CFTR: variants seen among roughly 807,000 people sequenced by gnomAD.
CFTR encodes the protein CF transmembrane conductance regulator.
A neutral mutation model predicts 171.6 loss-of-function variants in CFTR; 181 were observed. The observed-to-expected ratio is 1.05, with a 90% CI of 0.93 to 1.19. The LOEUF is 1.19. Among genes scored for constraint, CFTR ranks in the 50% most tolerant of loss-of-function variants. CFTR has a pLI of 0.00. For missense variants in CFTR, 1,968 were observed against 1,734.7 expected, an observed-to-expected ratio of 1.13 and a Z score of -2.39; for synonymous variants, 583 against 608.0, an observed-to-expected ratio of 0.96 and a Z score of 0.60.
intron 21 of CFTR, among the ~76,000 whole-genome samples, chr7:117,618,559 C>T (rs1792528765): frequency 6.6e-6 from 1 of 152,060 alleles, no homozygotes. Context: ...CTAGTTTAGA[C>T]CTCTATCCTG....
At chr7:117,664,557 G>A (rs1256145404) in intron 24 of CFTR, 131 bp from the exon 25 acceptor site, 1 of 792,502 alleles carries the variant, frequency 1.3e-6, no homozygotes, top group Non-Finnish European at 2.2e-6. Context: ...TTCAAATGGT[G>A]GCAGGTAGTG....
chr7:117,559,112 A>C (rs983511546), intron 10 of CFTR, among the ~76,000 whole-genome samples: 2 of 152,228 alleles, frequency 1.3e-5, no homozygotes, highest in African/African-American at 4.8e-5. Flanking sequence ...GTTAAAGCAC[A>C]TAGAACAGCA....
intron 10 of CFTR, among the ~76,000 whole-genome samples, chr7:117,555,977 T>G (rs1388005137): frequency 1.3e-5 from 2 of 152,154 alleles, no homozygotes; most frequent in African/African-American, 4.8e-5. Flanking sequence ...TGATAAAGGG[T>G]CAATGGTATA....
intron 13 of CFTR, 62 bp downstream of exon 13, chr7:117,590,501 C>A: frequency 6.5e-7 from 1 of 1,548,614 alleles, no homozygotes; most frequent in Admixed American, 1.8e-5. Context: ...GACAGACTGT[C>A]CCATCATAGA....
chr7:117,609,572 T>G (rs1792351254), intron 18 of CFTR, among the ~76,000 whole-genome samples: 1 of 152,112 alleles, frequency 6.6e-6, no homozygotes, highest in South Asian at 2.1e-4. Context: ...ATATAGAAAT[T>G]TATTAAGTAT....
rs193922731 is a variant in CFTR, at chr7:117,610,531, G to C, written c.3001G>C (p.Val1001Leu). The C allele has an allele frequency of 6.2e-7, 1 of 1,612,038 alleles. No homozygotes were observed. The highest frequency in any genetic ancestry group is 1.1e-5 in the South Asian group (1 of 91,018). The change falls in exon 19 of 27, where the codon GTG becomes CTG. Residue 1001 changes from valine (V) to leucine (L), a missense_variant. Transcript: ENST00000003084. ...TTTGATCTTACAGTTGTTATTAATT[G>C]TGATTGGAGCTATAGCAGTTGTCGC... is the stretch of plus-strand genomic sequence containing the variant. Reference protein sequence around the residue: ...IFDFIQLLLIVIGAIAVVAVL... With the variant: ...IFDFIQLLLILIGAIAVVAVL...
intron 1 of CFTR, among the ~76,000 whole-genome samples, chr7:117,494,679 G>A (rs564206756): frequency 2.8e-4 from 43 of 152,078 alleles, no homozygotes; most frequent in Non-Finnish European, 4.7e-4. Flanking sequence ...GGTGAACAAA[G>A]AGCCTCAATA....
At chr7:117,494,058 C>T (rs192277261) in intron 1 of CFTR, among the ~76,000 whole-genome samples, 66 of 152,218 alleles carry the variant, frequency 4.3e-4, no homozygotes, top group Non-Finnish European at 7.5e-4. Flanking sequence ...TAGAGACCAA[C>T]TTTATCACAA....
chr7:117,573,412 T>C (rs1011290685), intron 11 of CFTR, among the ~76,000 whole-genome samples: 2 of 152,162 alleles, frequency 1.3e-5, no homozygotes, highest in African/African-American at 2.4e-5. Context: ...ACAGAATCCT[T>C]TGAAGCTGAC....
intron 1 of CFTR, among the ~76,000 whole-genome samples, chr7:117,489,664 A>G (rs1457890182): frequency 6.6e-6 from 1 of 151,906 alleles, no homozygotes; most frequent in East Asian, 1.9e-4. Flanking sequence ...AACCAATAAC[A>G]GATCATAACA....
intron 23 of CFTR, among the ~76,000 whole-genome samples, chr7:117,648,424 T>C (rs1333287397): frequency 6.6e-6 from 1 of 152,126 alleles, no homozygotes; most frequent in Admixed American, 6.6e-5. Flanking sequence ...AGTCAAGCTG[T>C]AGCAAAAAGG....
chr7:117,611,902 CTTT>C, intron 20 of CFTR, 94 bp downstream of exon 20: 1 of 804,912 alleles, frequency 1.2e-6, no homozygotes, highest in Non-Finnish European at 2.0e-6. Context: ...TTTTTGATAT[CTTT>C]AGAGTTTAGT....
In CFTR at chr7:117,540,289, A is replaced by C. The variant is rs1800087; in HGVS notation, c.1059A>C (p.Gln353His). Reference protein sequence around the residue: ...CIVLRMAVTRQFPWAVQTWYD... With the variant: ...CIVLRMAVTRHFPWAVQTWYD... ...TTCTGCGCATGGCGGTCACTCGGCA[A>C]TTTCCCTGGGCTGTACAAACATGGT... The change falls in exon 8 of 27, where the codon CAA (glutamine) becomes CAC (histidine). Residue 353 changes from glutamine (Q) to histidine (H), a missense_variant. By Grantham distance (24) the Gln-to-His change is conservative (BLOSUM62 0). Coordinates refer to ENST00000003084, the MANE Select transcript of CFTR (RefSeq NM_000492.4). 4 of 1,614,036 alleles carry C rather than the reference A, an allele frequency of 2.5e-6. No homozygotes were observed. The highest frequency in any genetic ancestry group is 3.4e-6 in the Non-Finnish European group (4 of 1,179,924).
Position 117,642,564 on chromosome 7 carries a change from T to C in CFTR, c.3844T>C (p.Trp1282Arg), listed in dbSNP as rs397508616. 6 of 1,613,360 alleles carry C rather than the reference T, an allele frequency of 3.7e-6. No homozygotes were observed. Among genetic ancestry groups the C allele is most frequent in the Non-Finnish European group, 2.5e-6 (3 of 1,179,670 alleles). ...TTGGGATTCAATAACTTTGCAACAG[T>C]GGAGGAAAGCCTTTGGAGTGATACC... ...VSWDSITLQQ[W>R]RKAFGVIPQK... Residue 1282 changes from tryptophan to arginine, a missense_variant, in exon 23 of 27, where the codon TGG becomes CGG. By Grantham distance (101) the Trp-to-Arg change is moderately radical (BLOSUM62 -3). Transcript: ENST00000003084.
intron 26 of CFTR, among the ~76,000 whole-genome samples, 169 bp from the exon 27 acceptor site, chr7:117,666,739 A>G (rs1178960638): frequency 1.3e-5 from 2 of 152,188 alleles, no homozygotes; most frequent in Non-Finnish European, 2.9e-5. Context: ...ACCTCCTTAG[A>G]GCAAAAGGAC....
At chr7:117,613,505 G>T (rs1792436118) in intron 20 of CFTR, among the ~76,000 whole-genome samples, 1 of 152,080 alleles carries the variant, frequency 6.6e-6, no homozygotes, top group Non-Finnish European at 1.5e-5. Flanking sequence ...TAGGTGTGGG[G>T]TGAATAGTAA....
intron 9 of CFTR, among the ~76,000 whole-genome samples, chr7:117,545,658 C>G (rs1003895950): frequency 2.0e-5 from 3 of 152,140 alleles, no homozygotes; most frequent in African/African-American, 7.2e-5. Context: ...AGTAACATTC[C>G]TATTAACATA....
chr7:117,507,647 G>A (rs560931853), intron 2 of CFTR, among the ~76,000 whole-genome samples: 212 of 152,270 alleles, frequency 1.4e-3, no homozygotes, highest in Non-Finnish European at 2.4e-3. Flanking sequence ...CATGTGGGGA[G>A]GGAAATAGAT....
intron 3 of CFTR, among the ~76,000 whole-genome samples, chr7:117,520,470 T>C (rs768562559): frequency 1.3e-5 from 2 of 151,920 alleles, no homozygotes; most frequent in Non-Finnish European, 2.9e-5. Context: ...TTCATTGTGA[T>C]GCATGTATGA....
Sources: allele counts gnomAD v4.1 joint callset (sites outside exome capture counted in the v4.1 genomes callset), GRCh38; gene constraint gnomAD v4.1.1; transcripts MANE v1.5; gene names NCBI Gene and HGNC (gene_info 2026-07-23, HGNC 2026-07-21).